Variants in GRM8 observed in about 807,000 individuals in gnomAD.
GRM8 encodes metabotropic glutamate receptor 8.
A neutral mutation model predicts 87.2 loss-of-function variants in GRM8; 47 were observed. The observed-to-expected ratio is 0.54, with a 90% CI of 0.43 to 0.69. GRM8 has a LOEUF of 0.69. GRM8 is among the 30% of genes least tolerant of loss of function. GRM8 has a pLI of 0.00. For synonymous variants in GRM8, 396 were observed against 404.5 expected (o/e 0.98, Z 0.25); for missense variants, 1,019 against 1,139.2 (o/e 0.89, Z 1.52).
chr7:126,872,002 T>G (rs1181615183), intron 6 of GRM8, among the ~76,000 whole-genome samples: 3 of 152,270 alleles, frequency 2.0e-5, no homozygotes, highest in Admixed American at 6.5e-5. Flanking sequence ...ATCATTTGCA[T>G]GAAGAATGTG....
intron 9 of GRM8, among the ~76,000 whole-genome samples, chr7:126,450,936 C>G (rs779983535): frequency 2.0e-5 from 3 of 151,760 alleles, no homozygotes; most frequent in African/African-American, 4.8e-5. Context: ...ACCCTTAAAC[C>G]AAGACAAGCT....
chr7:126,608,665 GA>G (rs1406430239), intron 8 of GRM8, among the ~76,000 whole-genome samples: 2 of 151,936 alleles, frequency 1.3e-5, no homozygotes, highest in Non-Finnish European at 2.9e-5. Flanking sequence ...TGTTGCAACT[GA>G]AAGAGGCAAT....
chr7:126,586,092 G>A (rs549816691), intron 8 of GRM8, among the ~76,000 whole-genome samples: 11 of 152,146 alleles, frequency 7.2e-5, no homozygotes, highest in African/African-American at 2.4e-4. Context: ...CTGCTTCAAA[G>A]AGAATAAAAT....
intron 2 of GRM8, chr7:127,228,265 A>G (rs777242841): frequency 1.3e-5 from 2 of 152,206 alleles, no homozygotes. Flanking sequence ...TATCTGACAG[A>G]ATTGTTGTAA....
chr7:126,443,448 G>A (rs963479052), intron 10 of GRM8, among the ~76,000 whole-genome samples: 16 of 151,964 alleles, frequency 1.1e-4, no homozygotes, highest in African/African-American at 3.9e-4. Context: ...CCATGGAAGT[G>A]AACAAAGGTT....
At chr7:126,781,576 T>C (rs1301862133) in intron 6 of GRM8, among the ~76,000 whole-genome samples, 1 of 152,200 alleles carries the variant, frequency 6.6e-6, no homozygotes, top group East Asian at 1.9e-4. Context: ...CATTTCCCCT[T>C]TCCATTATCT....
chr7:126,657,243 A>G (rs1180544422), intron 7 of GRM8, among the ~76,000 whole-genome samples: 3 of 80,776 alleles, frequency 3.7e-5, no homozygotes, highest in African/African-American at 1.9e-4. Flanking sequence ...GCCTGTACAC[A>G]CAAAAATAAC....
At chr7:126,473,072 G>A (rs1490583720) in intron 9 of GRM8, among the ~76,000 whole-genome samples, 1 of 152,192 alleles carries the variant, frequency 6.6e-6, no homozygotes, top group Non-Finnish European at 1.5e-5. Context: ...AGTATGGAAG[G>A]AAAATGTGGG....
intron 2 of GRM8, among the ~76,000 whole-genome samples, chr7:127,167,711 A>G (rs552070483): frequency 6.6e-6 from 1 of 152,234 alleles, no homozygotes; most frequent in East Asian, 1.9e-4. Context: ...TGTGTGTGTC[A>G]TCACTGCTCC....
intron 7 of GRM8, among the ~76,000 whole-genome samples, chr7:126,646,409 C>CA (rs944967243): frequency 6.6e-6 from 1 of 152,140 alleles, no homozygotes; most frequent in African/African-American, 2.4e-5. Flanking sequence ...CCAAAGGTCT[C>CA]AAAAAAGTTA....
chr7:126,444,551 G>A (rs1801803422), intron 10 of GRM8, among the ~76,000 whole-genome samples: 1 of 152,004 alleles, frequency 6.6e-6, no homozygotes, highest in African/African-American at 2.4e-5. Flanking sequence ...AACCAATCTG[G>A]CTAATGATTC....
chr7:127,015,072 A>AG lies in GRM8; in HGVS notation c.727+91423_727+91424insC, dbSNP rs1563413701. On this transcript the variant is annotated intron_variant, in intron 3 of 10. Coordinates refer to ENST00000339582, the MANE Select transcript of GRM8 (RefSeq NM_000845.3). ...AAGAAGAAGAAGAAGAAGAAGAAAG[A>AG]AAGAAGGAGAAGAAGGAGAAGAAGG... Among the ~76,000 whole-genome samples, 366 of 103,734 alleles carry AG rather than the reference A, an allele frequency of 3.5e-3. 4 individuals are homozygous for AG. Among genetic ancestry groups the AG allele is most frequent in the Middle Eastern group, 0.011 (2 of 186 alleles). The allele number at this position is 103,734 out of a possible 152,430, so 68.1% of individuals were successfully genotyped here. A position where few individuals can be genotyped will look rare whatever the true frequency, so the allele number is the denominator to read the frequency against.
At chr7:127,121,128 T>C (rs1827062844) in intron 2 of GRM8, among the ~76,000 whole-genome samples, 1 of 152,228 alleles carries the variant, frequency 6.6e-6, no homozygotes, top group East Asian at 1.9e-4. Context: ...GATAATTTAG[T>C]AAGATATTCA....
intron 9 of GRM8, among the ~76,000 whole-genome samples, chr7:126,494,331 A>G (rs575142844): frequency 6.6e-6 from 1 of 152,150 alleles, no homozygotes; most frequent in African/African-American, 2.4e-5. Context: ...ATGTAAACAA[A>G]ACATCATTTC....
chr7:126,912,299 TG>T (rs2131300124), intron 3 of GRM8, among the ~76,000 whole-genome samples: 1 of 152,318 alleles, frequency 6.6e-6, no homozygotes, highest in Admixed American at 6.5e-5. Context: ...CAATGCAGGC[TG>T]GGATCATTGA....
chr7:127,037,832 CGTGTGTGTGTGTGTGT>C (rs367605693), intron 3 of GRM8, among the ~76,000 whole-genome samples: 7 of 147,428 alleles, frequency 4.7e-5, no homozygotes, highest in Middle Eastern at 3.4e-3. Context: ...CATGCGCATC[CGTGTGTGTGTGTGTGT>C]GTGTGTGTGT....
At chr7:127,079,236 C>T (rs996960514) in intron 3 of GRM8, among the ~76,000 whole-genome samples, 2 of 152,102 alleles carry the variant, frequency 1.3e-5, no homozygotes, top group African/African-American at 4.8e-5. Context: ...GATTCTCCTG[C>T]CTCAGCCTCC....
chr7:127,085,891 C>T (rs971358222), intron 3 of GRM8, among the ~76,000 whole-genome samples: 1 of 152,152 alleles, frequency 6.6e-6, no homozygotes, highest in Non-Finnish European at 1.5e-5. Context: ...TGCCTATGTC[C>T]TGAATGGTAT....
chr7:126,506,770 C>T (rs1810538212), intron 9 of GRM8, among the ~76,000 whole-genome samples: 1 of 151,576 alleles, frequency 6.6e-6, no homozygotes. Flanking sequence ...CAGAGTAAGA[C>T]TCTGTCTCAA....
Sources: allele counts gnomAD v4.1 joint callset (sites outside exome capture counted in the v4.1 genomes callset), GRCh38; gene constraint gnomAD v4.1.1; transcripts MANE v1.5; gene names NCBI Gene and HGNC (gene_info 2026-07-23, HGNC 2026-07-21).